Variants in KDM4C observed in about 807,000 individuals in gnomAD.
The protein encoded by KDM4C is lysine demethylase 4C.
Under a neutral mutation model 129.3 loss-of-function variants are expected in KDM4C, and 81 were observed. The observed-to-expected ratio is 0.63, with a 90% CI of 0.52 to 0.75. KDM4C has a LOEUF of 0.75. Among genes scored for constraint, KDM4C ranks in the 30% least tolerant of loss-of-function variants. The pLI, the probability that KDM4C is intolerant of heterozygous loss-of-function variation, is 0.00. For missense variants in KDM4C, 1,457 were observed against 1,304.0 expected, an observed-to-expected ratio of 1.12 and a Z score of -1.81; for synonymous variants, 573 against 456.1, an observed-to-expected ratio of 1.26 and a Z score of -3.26.
rs1845307117 is a variant in KDM4C at position 7,174,900 on chromosome 9, A to G, written c.*171A>G. 2 of 541,434 alleles carry G rather than the reference A, an allele frequency of 3.7e-6. No individual in the cohort carries two copies. The highest frequency in any genetic ancestry group is 6.6e-6 in the Non-Finnish European group (2 of 301,646). 33.5% of individuals were successfully genotyped at this position (541,434 alleles called of 1,614,324 possible). ...GTCACCAAAAATACAAAATACACCC[A>G]ATGAATTGGACGCAGCAATCTGAAA... On this transcript the variant is annotated 3_prime_UTR_variant, in exon 22 of 22. Coordinates refer to ENST00000381309, the MANE Select transcript of KDM4C (RefSeq NM_015061.6).
At chr9:6,942,815 G>A (rs1167948960) in intron 8 of KDM4C, among the ~76,000 whole-genome samples, 1 of 152,132 alleles carries the variant, frequency 6.6e-6, no homozygotes, top group Non-Finnish European at 1.5e-5. Flanking sequence ...GGAAGCATAG[G>A]GGGAGTAAAG....
Position 6,779,032 on chromosome 9 carries a change from C to CTTTTTTTTTTTTTTTT in KDM4C, c.-17-13926_-17-13925insTTTTTTTTTTTTTTTT, listed in dbSNP as rs60503128. Among the ~76,000 whole-genome samples the CTTTTTTTTTTTTTTTT allele has an allele frequency of 4.2e-5, 4 of 94,626 alleles. 1 individual carries two copies. The highest frequency in any genetic ancestry group is 2.1e-4 in the African/African-American group (4 of 19,402). 62.1% of individuals were successfully genotyped at this position (94,626 alleles called of 152,430 possible). A position where few individuals can be genotyped will look rare whatever the true frequency, so the allele number is the denominator to read the frequency against. On this transcript the variant is annotated intron_variant, in intron 1 of 21. Transcript: ENST00000381309. The stretch of plus-strand genomic sequence containing the variant: ...CTACCTCACCAGGCCTGATTAAAGT[C>CTTTTTTTTTTTTTTTT]TTTTTTTTTTTTTTGAGATGGAGTC...
At chr9:6,821,202 G>A (rs1484859079) in intron 4 of KDM4C, among the ~76,000 whole-genome samples, 8 of 152,240 alleles carry the variant, frequency 5.3e-5, no homozygotes, top group South Asian at 4.2e-4. Flanking sequence ...TGTCTTTATA[G>A]TAGCATGATT....
chr9:6,882,365 C>A (rs1389897211), intron 6 of KDM4C, among the ~76,000 whole-genome samples: 6 of 152,132 alleles, frequency 3.9e-5, no homozygotes, highest in African/African-American at 1.4e-4. Flanking sequence ...ATGTCTAAAT[C>A]TCACCTATTT....
chr9:6,882,160 C>G (rs1844552210), intron 6 of KDM4C, among the ~76,000 whole-genome samples: 1 of 152,150 alleles, frequency 6.6e-6, no homozygotes, highest in African/African-American at 2.4e-5. Flanking sequence ...CAGGTTTTCC[C>G]CATATTATAT....
intron 4 of KDM4C, among the ~76,000 whole-genome samples, chr9:6,836,616 A>G (rs998431797): frequency 1.3e-5 from 2 of 152,104 alleles, no homozygotes; most frequent in Non-Finnish European, 2.9e-5. Flanking sequence ...TGTAAAAAAT[A>G]GTTTTCTCAT....
At chr9:7,022,826 C>G (rs907017689) in intron 15 of KDM4C, among the ~76,000 whole-genome samples, 1 of 152,042 alleles carries the variant, frequency 6.6e-6, no homozygotes, top group Non-Finnish European at 1.5e-5. Context: ...TATGTACCTT[C>G]TGTACCCAGT....
intron 17 of KDM4C, among the ~76,000 whole-genome samples, chr9:7,073,985 A>G (rs1833564266): frequency 6.6e-6 from 1 of 152,232 alleles, no homozygotes; most frequent in Admixed American, 6.5e-5. Context: ...CAGAAATAAC[A>G]TTTTAGCATT....
rs1430227135 is a variant in KDM4C, at chr9:6,726,482, C to G, written c.49+5485C>G. On this transcript the variant is annotated intron_variant, in intron 1 of 17. Transcript: ENST00000536108. ...CTGGCTATCACCAGCTCAAAGCTGT[C>G]TCCTCAACCACTTTTACCAGGGAAT... 3.3e-5 allele frequency: 5 copies of G among 152,352 alleles called. No homozygotes were observed. In the East Asian group the frequency reaches 7.7e-4, roughly 24 times the overall value. 9.4% of individuals were successfully genotyped at this position (152,352 alleles called of 1,614,324 possible). A position where few individuals can be genotyped will look rare whatever the true frequency, so the allele number is the denominator to read the frequency against.
intron 1 of KDM4C, among the ~76,000 whole-genome samples, chr9:6,761,739 A>G (rs371166578): frequency 1.3e-5 from 2 of 152,164 alleles, no homozygotes; most frequent in Non-Finnish European, 2.9e-5. Context: ...ATTAAGCTCA[A>G]TATCTACTGA....
chr9:6,801,908 C>T (rs1480047367), intron 2 of KDM4C, among the ~76,000 whole-genome samples: 2 of 151,828 alleles, frequency 1.3e-5, no homozygotes, highest in Non-Finnish European at 2.9e-5. Context: ...AGTTCGAGAC[C>T]AGCCTGGCCA....
At chr9:6,770,799 G>A (rs1359744053) in intron 1 of KDM4C, among the ~76,000 whole-genome samples, 2 of 120,956 alleles carry the variant, frequency 1.7e-5, no homozygotes, top group Non-Finnish European at 3.3e-5. Context: ...CTTTTGAGAT[G>A]GAATCTCGCT....
At chr9:6,777,693 G>A (rs4742262) in intron 1 of KDM4C, among the ~76,000 whole-genome samples, 11,774 of 150,028 alleles carry the variant, frequency 0.078, 642 homozygotes, top group South Asian at 0.23. Flanking sequence ...GTGCAGTGGC[G>A]CGATCTTGGT....
At chr9:7,155,765 A>T (rs901445014) in intron 19 of KDM4C, among the ~76,000 whole-genome samples, 1 of 152,150 alleles carries the variant, frequency 6.6e-6, no homozygotes, top group African/African-American at 2.4e-5. Flanking sequence ...ACATTGATGG[A>T]CATTTGTGTT....
chr9:6,865,999 C>T lies in KDM4C; in HGVS notation c.630-14013C>T, dbSNP rs528806939. 8.5e-5 allele frequency among the ~76,000 whole-genome samples: 13 copies of T among 152,136 alleles called. No homozygotes were observed. In the East Asian group the frequency reaches 1.5e-3, roughly 18 times the overall value. On this transcript the variant is annotated intron_variant, in intron 5 of 21. Transcript: ENST00000381309. ...CGATCTCCTGACCTTGTGATCCGCC[C>T]GCCTCGGCCTCCCAGAGTGCTGGGA...
chr9:6,936,500 T>C (rs2131354350), intron 8 of KDM4C, among the ~76,000 whole-genome samples: 1 of 152,364 alleles, frequency 6.6e-6, no homozygotes, highest in East Asian at 1.9e-4. Context: ...TTAGTCACTT[T>C]TGATGGTCCA....
intron 1 of KDM4C, among the ~76,000 whole-genome samples, chr9:6,768,114 C>A (rs2130563675): frequency 6.6e-6 from 1 of 152,186 alleles, no homozygotes; most frequent in South Asian, 2.1e-4. Context: ...GGAATATGAA[C>A]TTTTTCAGTC....
At chr9:6,767,878 G>A (rs1231766550) in intron 1 of KDM4C, among the ~76,000 whole-genome samples, 1 of 151,976 alleles carries the variant, frequency 6.6e-6, no homozygotes, top group Non-Finnish European at 1.5e-5. Flanking sequence ...ATCTGGCCCT[G>A]AGATAGGTAA....
chr9:7,137,668 A>G (rs1378302936), intron 19 of KDM4C, among the ~76,000 whole-genome samples: 1 of 152,256 alleles, frequency 6.6e-6, no homozygotes, highest in Non-Finnish European at 1.5e-5. Flanking sequence ...AGCTTTCTGC[A>G]TACAATTTCT....
Sources: gnomAD v4.1 joint callset for allele counts (sites outside exome capture counted in the v4.1 genomes callset) on GRCh38, gnomAD v4.1.1 for gene constraint, MANE v1.5 for transcripts, NCBI Gene and HGNC (gene_info 2026-07-23, HGNC 2026-07-21) for gene names.